NFIB: variants seen among roughly 807,000 people sequenced by gnomAD.
NFIB encodes the protein nuclear factor 1 B-type.
In NFIB, 11 loss-of-function variants were observed where a neutral mutation model predicts 61.5. The observed-to-expected ratio is 0.18, with a 90% CI of 0.11 to 0.30. NFIB has a LOEUF of 0.30. Among genes scored for constraint, NFIB ranks in the 10% least tolerant of loss-of-function variants. The pLI, the probability that NFIB is intolerant of heterozygous loss-of-function variation, is 1.00. For synonymous variants in NFIB, 260 were observed against 216.5 expected (o/e 1.20, Z -1.76); for missense variants, 471 against 608.9 (o/e 0.77, Z 2.38).
chr9:14,436,118 A>C, the NFIB span, among the ~76,000 whole-genome samples: 1 of 152,214 alleles, frequency 6.6e-6, no homozygotes, highest in Non-Finnish European at 1.5e-5. Flanking sequence ...CACTGTCATG[A>C]ACTCTGCTCA....
chr9:14,262,717 G>A (rs2056876040), intron 2 of NFIB, among the ~76,000 whole-genome samples: 2 of 152,166 alleles, frequency 1.3e-5, no homozygotes, highest in African/African-American at 4.8e-5. Context: ...AACCGACAGC[G>A]GAGAAAGAAA....
At chr9:14,093,154 T>C (rs1462429238) in intron 10 of NFIB, among the ~76,000 whole-genome samples, 2 of 152,028 alleles carry the variant, frequency 1.3e-5, no homozygotes, top group Non-Finnish European at 2.9e-5. Context: ...ACATCACCTA[T>C]TATTTATTTG....
In NFIB at chr9:14,291,441, C is replaced by T. The variant is rs1168663099; in HGVS notation, c.562+15548G>A. On this transcript the variant is annotated intron_variant, in intron 2 of 10. Coordinates refer to ENST00000380953, the MANE Select transcript of NFIB (RefSeq NM_001190737.2). ...TGGAGGTTGCAGTGAGCCAAGATCA[C>T]GCCACTGCACTCCAGTCTGGGCGAC... Among the ~76,000 whole-genome samples, 7 of 152,186 alleles carry T rather than the reference C, an allele frequency of 4.6e-5. No homozygotes were observed. The South Asian group carries it at 8.3e-4, about 18-fold the overall frequency.
chr9:14,206,478 C>T (rs1032395778), intron 2 of NFIB, among the ~76,000 whole-genome samples: 3 of 151,928 alleles, frequency 2.0e-5, no homozygotes, highest in African/African-American at 7.3e-5. Context: ...CTTACTAACA[C>T]TCTTAAAACT....
intron 2 of NFIB, among the ~76,000 whole-genome samples, chr9:14,294,422 G>A (rs1271686813): frequency 6.6e-6 from 1 of 152,184 alleles, no homozygotes; most frequent in African/African-American, 2.4e-5. Context: ...TGTAAGCAAA[G>A]CTTTTCAAAT....
chr9:14,241,419 C>G (rs1301621555), intron 2 of NFIB, among the ~76,000 whole-genome samples: 1 of 152,040 alleles, frequency 6.6e-6, no homozygotes, highest in African/African-American at 2.4e-5. Flanking sequence ...ACAGAAGTAG[C>G]TGCATGAATT....
At chr9:14,099,244 A>G (rs2035352738) in intron 10 of NFIB, among the ~76,000 whole-genome samples, 1 of 152,218 alleles carries the variant, frequency 6.6e-6, no homozygotes, top group Non-Finnish European at 1.5e-5. Flanking sequence ...TACCACAACA[A>G]AAATAACCTG....
chr9:14,412,623 T>C, the NFIB span, among the ~76,000 whole-genome samples: 1 of 152,078 alleles, frequency 6.6e-6, no homozygotes, highest in Non-Finnish European at 1.5e-5. Context: ...TGATCTGGAA[T>C]GTGGGGCATG....
the NFIB span, among the ~76,000 whole-genome samples, chr9:14,408,302 T>C: frequency 6.6e-6 from 1 of 152,216 alleles, no homozygotes; most frequent in South Asian, 2.1e-4. Flanking sequence ...TGTATATCTT[T>C]ATTTTCATTC....
upstream of NFIB, among the ~76,000 whole-genome samples, chr9:14,402,437 G>T (rs577170005): frequency 4.6e-5 from 7 of 152,058 alleles, no homozygotes; most frequent in Non-Finnish European, 5.9e-5. Context: ...TGAAGTAAAG[G>T]TCCTTTTTTT....
chr9:14,116,956 C>T (rs1358675188), intron 8 of NFIB, among the ~76,000 whole-genome samples: 1 of 152,122 alleles, frequency 6.6e-6, no homozygotes, highest in African/African-American at 2.4e-5. Flanking sequence ...ATTTAGATTC[C>T]GAGATCTATG....
intron 1 of NFIB, among the ~76,000 whole-genome samples, chr9:14,385,352 T>G (rs1475600178): frequency 6.6e-6 from 1 of 152,222 alleles, no homozygotes; most frequent in African/African-American, 2.4e-5. Flanking sequence ...TGCCTTCTTC[T>G]AACTATTAAA....
intron 2 of NFIB, among the ~76,000 whole-genome samples, chr9:14,272,655 A>G (rs2057710263): frequency 6.8e-6 from 1 of 147,400 alleles, no homozygotes; most frequent in Non-Finnish European, 1.5e-5. Context: ...CCTCCAGGAA[A>G]GTCATCCACA....
intron 2 of NFIB, among the ~76,000 whole-genome samples, chr9:14,282,705 G>C (rs906540388): frequency 6.6e-6 from 1 of 152,198 alleles, no homozygotes. Flanking sequence ...TACAGATCAG[G>C]AAACAGGTTC....
At chr9:14,315,398 C>T (rs977759359), upstream of NFIB, among the ~76,000 whole-genome samples, 2 of 150,492 alleles carry the variant, frequency 1.3e-5, no homozygotes, top group African/African-American at 4.9e-5. Flanking sequence ...TCCCCGCGCC[C>T]GGCTTCGCTC....
intron 1 of NFIB, among the ~76,000 whole-genome samples, chr9:14,390,372 T>G (rs755298513): frequency 6.6e-6 from 1 of 152,130 alleles, no homozygotes; most frequent in Non-Finnish European, 1.5e-5. Flanking sequence ...GGGAAAGGAA[T>G]GTACAAGAGA....
intron 6 of NFIB, among the ~76,000 whole-genome samples, chr9:14,138,718 C>G (rs2041348633): frequency 6.6e-6 from 1 of 152,078 alleles, no homozygotes; most frequent in African/African-American, 2.4e-5. Context: ...CAGTGAGGTT[C>G]ACTTTACAAT....
chr9:14,256,264 TCA>T (rs1459766224), intron 2 of NFIB, among the ~76,000 whole-genome samples: 1 of 152,166 alleles, frequency 6.6e-6, no homozygotes, highest in Non-Finnish European at 1.5e-5. Flanking sequence ...CTTAATAATC[TCA>T]GTTTCATCTT....
At chr9:14,361,517 T>C (rs998521736) in intron 1 of NFIB, 2 of 152,226 alleles carry the variant, frequency 1.3e-5, no homozygotes, top group African/African-American at 4.8e-5. Context: ...TCACATCACA[T>C]ACATGCACAC....
Sources: allele counts gnomAD v4.1 joint callset (sites outside exome capture counted in the v4.1 genomes callset), GRCh38; gene constraint gnomAD v4.1.1; transcripts MANE v1.5; gene names NCBI Gene and HGNC (gene_info 2026-07-23, HGNC 2026-07-21).